FAF1: variants seen among roughly 807,000 people sequenced by gnomAD.
The protein encoded by FAF1 is Fas associated factor 1.
Under a neutral mutation model 92.5 loss-of-function variants are expected in FAF1, and 25 were observed. That is an observed-to-expected ratio of 0.27 (90% CI 0.20 to 0.38). The LOEUF is 0.38. FAF1 is among the 10% of genes least tolerant of loss of function. FAF1 has a pLI of 1.00. For synonymous variants in FAF1, 234 were observed against 273.2 expected (o/e 0.86, Z 1.42); for missense variants, 636 against 793.3 (o/e 0.80, Z 2.38).
intron 8 of FAF1, among the ~76,000 whole-genome samples, chr1:50,621,726 G>A (rs1036293343): frequency 2.0e-5 from 3 of 152,024 alleles, no homozygotes; most frequent in African/African-American, 7.2e-5. Context: ...TAGGTTGGAG[G>A]TTACCTGGGG....
intron 18 of FAF1, among the ~76,000 whole-genome samples, chr1:50,461,906 G>C (rs527338862): frequency 6.8e-6 from 1 of 147,854 alleles, no homozygotes; most frequent in Non-Finnish European, 1.5e-5. Context: ...AAAAAAAAGA[G>C]GAAGGAGGGA....
chr1:50,636,204 A>T (rs1420845424), intron 8 of FAF1, among the ~76,000 whole-genome samples: 1 of 152,136 alleles, frequency 6.6e-6, no homozygotes, highest in African/African-American at 2.4e-5. Context: ...ATTTTAAAGC[A>T]TATTTAGAAG....
chr1:50,716,034 T>A (rs1432517675), intron 6 of FAF1, among the ~76,000 whole-genome samples: 1 of 152,232 alleles, frequency 6.6e-6, no homozygotes. Context: ...AGAGTACTTC[T>A]GCAACCCACT....
chr1:50,583,724 CAAACA>C lies in FAF1; in HGVS notation c.968-14_968-10del. 1 of 1,560,382 alleles carries C rather than the reference CAAACA, an allele frequency of 6.4e-7. No individual in the cohort carries two copies. Among genetic ancestry groups the C allele is most frequent in the Non-Finnish European group, 8.7e-7 (1 of 1,149,792 alleles). On this transcript the variant is annotated splice_polypyrimidine_tract_variant and intron_variant, in intron 10 of 18. Coordinates refer to ENST00000396153, the MANE Select transcript of FAF1 (RefSeq NM_007051.3). This position sits in a 1 kb window ranked among gnomAD's most constrained non-coding sequence, Gnocchi z 4.2. ...TTCTGCGTTTTCTGGCACTAAAAAA[CAAACA>C]AAAGAAAAAACAAAAACAAAAAAAC...
At chr1:50,871,870 C>A (rs1022903321) in intron 1 of FAF1, among the ~76,000 whole-genome samples, 1 of 152,002 alleles carries the variant, frequency 6.6e-6, no homozygotes, top group African/African-American at 2.4e-5. Context: ...TCGAGACCAT[C>A]CTGGCTAACA....
chr1:50,645,952 T>A (rs563983445), intron 8 of FAF1, among the ~76,000 whole-genome samples: 2 of 152,340 alleles, frequency 1.3e-5, no homozygotes, highest in Non-Finnish European at 2.9e-5. Context: ...AACCCCTGCA[T>A]TATATTATGT....
At chr1:50,491,830 G>T in intron 15 of FAF1, 29 bp from the exon 16 acceptor site, 3 of 1,549,996 alleles carry the variant, frequency 1.9e-6, no homozygotes, top group South Asian at 1.2e-5. Flanking sequence ...AATATTTTTT[G>T]ACATATAACT....
intron 7 of FAF1, among the ~76,000 whole-genome samples, chr1:50,704,480 C>T (rs1358675887): frequency 1.3e-5 from 2 of 152,110 alleles, no homozygotes; most frequent in South Asian, 2.1e-4. Flanking sequence ...CATATATTCA[C>T]ATATACAATT....
chr1:50,595,656 C>A (rs1359078262), intron 9 of FAF1, among the ~76,000 whole-genome samples: 3 of 152,090 alleles, frequency 2.0e-5, no homozygotes, highest in African/African-American at 7.2e-5. Flanking sequence ...AATTCTCATG[C>A]CTCAGCCTCC....
chr1:50,527,445 A>T (rs1008516081), intron 15 of FAF1, among the ~76,000 whole-genome samples: 1 of 152,178 alleles, frequency 6.6e-6, no homozygotes, highest in African/African-American at 2.4e-5. Flanking sequence ...TGTGGGTTGT[A>T]CTTTCACTTT....
At chr1:50,667,763 C>T (rs1655698862) in intron 7 of FAF1, among the ~76,000 whole-genome samples, 1 of 152,110 alleles carries the variant, frequency 6.6e-6, no homozygotes, top group African/African-American at 2.4e-5. Context: ...TCCTTTTCTT[C>T]AAGAAAAAAG....
At chr1:50,846,783 G>T in intron 2 of FAF1, 3 of 696,350 alleles carry the variant, frequency 4.3e-6, no homozygotes, top group East Asian at 3.7e-5. Flanking sequence ...AGAATGTGAA[G>T]GGATTGTCCC....
chr1:50,466,434 C>T (rs777319474), intron 18 of FAF1, among the ~76,000 whole-genome samples: 3 of 151,992 alleles, frequency 2.0e-5, no homozygotes, highest in Non-Finnish European at 2.9e-5. Flanking sequence ...CTGAGTAGAT[C>T]GTTGTATGTA....
intron 15 of FAF1, among the ~76,000 whole-genome samples, chr1:50,492,541 C>T (rs995861911): frequency 6.6e-6 from 1 of 152,082 alleles, no homozygotes; most frequent in Non-Finnish European, 1.5e-5. Flanking sequence ...ACAGAATTTC[C>T]CATTTGTTAT....
intron 1 of FAF1, among the ~76,000 whole-genome samples, chr1:50,937,381 G>C (rs987607041): frequency 2.6e-5 from 4 of 152,050 alleles, no homozygotes; most frequent in Admixed American, 2.6e-4. Flanking sequence ...AAGAGTTAAT[G>C]CTAACATAGT....
intron 4 of FAF1, among the ~76,000 whole-genome samples, chr1:50,758,588 TA>T (rs1388753903): frequency 6.6e-6 from 1 of 152,248 alleles, no homozygotes; most frequent in Non-Finnish European, 1.5e-5. Context: ...TGTAACCAAA[TA>T]TTTACAATTT....
intron 8 of FAF1, among the ~76,000 whole-genome samples, chr1:50,604,521 G>GT (rs1484705457): frequency 6.6e-6 from 1 of 151,668 alleles, no homozygotes; most frequent in Non-Finnish European, 1.5e-5. Context: ...TTCTTTTTTT[G>GT]TTTTTTGAGA....
chr1:50,571,932 T>C (rs951451641), intron 12 of FAF1, among the ~76,000 whole-genome samples: 1 of 152,234 alleles, frequency 6.6e-6, no homozygotes, highest in Non-Finnish European at 1.5e-5. Flanking sequence ...ATCTGCATGT[T>C]CAATGCTTTT....
chr1:50,580,296 A>C (rs1467287165), intron 12 of FAF1, among the ~76,000 whole-genome samples: 1 of 151,928 alleles, frequency 6.6e-6, no homozygotes, highest in Non-Finnish European at 1.5e-5. Flanking sequence ...AAAAATTTAT[A>C]AAAATTTATT....
Sources: gnomAD v4.1 joint callset for allele counts (sites outside exome capture counted in the v4.1 genomes callset) on GRCh38, gnomAD v4.1.1 for gene constraint, Gnocchi (gnomAD v3.1) non-coding constraint, MANE v1.5 for transcripts, NCBI Gene and HGNC (gene_info 2026-07-23, HGNC 2026-07-21) for gene names.